NTRK3: variants seen among roughly 807,000 people sequenced by gnomAD.
NTRK3 encodes NT-3 growth factor receptor.
A neutral mutation model predicts 91.7 loss-of-function variants in NTRK3; 24 were observed. That is an observed-to-expected ratio of 0.26 (90% CI 0.19 to 0.37). The LOEUF is 0.37. Ranked by LOEUF, NTRK3 falls within the 10% of genes least tolerant of loss-of-function variation. The pLI is 1.00. For missense variants in NTRK3, 880 were observed against 1,068.9 expected (o/e 0.82, Z 2.46); for synonymous variants, 483 against 404.0 (o/e 1.20, Z -2.34).
intron 13 of NTRK3, among the ~76,000 whole-genome samples, chr15:88,091,971 A>C (rs992542629): frequency 6.6e-6 from 1 of 152,248 alleles, no homozygotes; most frequent in Non-Finnish European, 1.5e-5. Flanking sequence ...ATCTTCTGCA[A>C]AAGGCAGCAT....
intron 6 of NTRK3, among the ~76,000 whole-genome samples, chr15:88,141,507 C>T (rs1247625361): frequency 1.3e-5 from 2 of 152,222 alleles, no homozygotes; most frequent in African/African-American, 4.8e-5. Context: ...GGTCCAGATG[C>T]TTGAATATAT....
chr15:88,101,350 TA>T (rs2050152360), intron 13 of NTRK3, among the ~76,000 whole-genome samples: 1 of 152,278 alleles, frequency 6.6e-6, no homozygotes, highest in African/African-American at 2.4e-5. Context: ...TGGTGATCAT[TA>T]AAAAGTCAGG....
intron 3 of NTRK3, among the ~76,000 whole-genome samples, chr15:88,186,855 A>C (rs2046986316): frequency 6.6e-6 from 1 of 152,066 alleles, no homozygotes; most frequent in Non-Finnish European, 1.5e-5. Context: ...CTGCCCTAGG[A>C]GCTGATGGTC....
chr15:87,920,112 A>T (rs2067754203), intron 17 of NTRK3, among the ~76,000 whole-genome samples: 1 of 152,228 alleles, frequency 6.6e-6, no homozygotes, highest in Non-Finnish European at 1.5e-5. Context: ...TGACACTGAG[A>T]CCAAGATGTC....
chr15:88,219,881 G>A (rs1299171856), intron 3 of NTRK3, among the ~76,000 whole-genome samples: 2 of 152,214 alleles, frequency 1.3e-5, no homozygotes, highest in South Asian at 2.1e-4. Context: ...TGAAGCAAAG[G>A]TCTGCAAAAT....
intron 15 of NTRK3, among the ~76,000 whole-genome samples, chr15:87,934,469 C>A (rs1413696468): frequency 1.3e-5 from 2 of 152,156 alleles, no homozygotes; most frequent in African/African-American, 4.8e-5. Flanking sequence ...CATGCAAGTG[C>A]CAAAATGTCT....
chr15:87,909,290 G>A (rs913006046), intron 17 of NTRK3, among the ~76,000 whole-genome samples: 1 of 152,130 alleles, frequency 6.6e-6, no homozygotes, highest in Middle Eastern at 3.2e-3. Flanking sequence ...GGAGGGGGGT[G>A]CATGAGGAGG....
intron 3 of NTRK3, among the ~76,000 whole-genome samples, chr15:88,220,245 T>G (rs1400723612): frequency 6.6e-6 from 1 of 152,186 alleles, no homozygotes; most frequent in Non-Finnish European, 1.5e-5. Context: ...CAACCGCTCA[T>G]GCATTTCTTG....
chr15:88,253,227 T>C (rs1415911916), intron 3 of NTRK3: 1 of 152,168 alleles, frequency 6.6e-6, no homozygotes, highest in African/African-American at 2.4e-5. Context: ...ACATCAGAAA[T>C]CTGAAGAACA....
At chr15:88,157,108 G>A (rs1054787975) in intron 5 of NTRK3, among the ~76,000 whole-genome samples, 8 of 151,850 alleles carry the variant, frequency 5.3e-5, no homozygotes, top group African/African-American at 1.9e-4. Context: ...ACCTCTTTCT[G>A]TCCCTGTGAA....
At chr15:87,942,443 C>A (rs954185164) in intron 14 of NTRK3, among the ~76,000 whole-genome samples, 1 of 152,176 alleles carries the variant, frequency 6.6e-6, no homozygotes, top group Admixed American at 6.5e-5. Flanking sequence ...TCTCCCACTG[C>A]GAGAAAATAG....
chr15:87,914,431 T>A (rs1247935594), intron 17 of NTRK3, among the ~76,000 whole-genome samples: 1 of 152,222 alleles, frequency 6.6e-6, no homozygotes, highest in South Asian at 2.1e-4. Context: ...CCCCACATAC[T>A]GACCACTGGT....
intron 14 of NTRK3, among the ~76,000 whole-genome samples, chr15:87,943,459 C>T (rs2070107944): frequency 6.6e-6 from 1 of 152,042 alleles, no homozygotes; most frequent in Non-Finnish European, 1.5e-5. Context: ...GCCTCTCTTG[C>T]CTTCTTATGT....
chr15:88,030,746 A>T (rs1346463886), intron 14 of NTRK3, among the ~76,000 whole-genome samples: 1 of 151,992 alleles, frequency 6.6e-6, no homozygotes, highest in Admixed American at 6.5e-5. Context: ...CTCAACAAGG[A>T]GATATCTGCC....
intron 3 of NTRK3, among the ~76,000 whole-genome samples, chr15:88,246,953 G>A (rs896279063): frequency 6.6e-6 from 1 of 152,204 alleles, no homozygotes; most frequent in Non-Finnish European, 1.5e-5. Context: ...CCCGCCCTGG[G>A]AAGCCATCAG....
chr15:87,994,381 A>G (rs1191588566), intron 14 of NTRK3, among the ~76,000 whole-genome samples: 1 of 152,222 alleles, frequency 6.6e-6, no homozygotes, highest in African/African-American at 2.4e-5. Context: ...TCCTTATACA[A>G]AGGAAAAATG....
In NTRK3 at chr15:88,016,908, G is replaced by A. The variant is rs531697239; in HGVS notation, c.1585+15949C>T. On this transcript the variant is annotated intron_variant, in intron 14 of 18. Transcript: ENST00000394480. ...GCTGAGTATAAATTATCCCAGGGAA[G>A]GGGAATATACCCTTTCAGACAGAGG... 4.3e-5 allele frequency among the ~76,000 whole-genome samples: 6 copies of A among 140,136 alleles called. No homozygotes were observed. In the South Asian group the frequency reaches 1.4e-3, roughly 32 times the overall value. 91.9% of individuals were successfully genotyped at this position (140,136 alleles called of 152,430 possible).
At chr15:88,161,541 G>T (rs1311554238) in intron 5 of NTRK3, among the ~76,000 whole-genome samples, 1 of 152,176 alleles carries the variant, frequency 6.6e-6, no homozygotes, top group Non-Finnish European at 1.5e-5. Flanking sequence ...CACTGAGAGG[G>T]GAATTGGAGT....
chr15:88,135,322 T>C (rs1597506026), exon 10 of NTRK3: 3 of 1,613,860 alleles, frequency 1.9e-6, no homozygotes, highest in Non-Finnish European at 2.5e-6. Context: ...TGGTGGGGGG[T>C]TGCCACGCAC....
Sources: allele counts gnomAD v4.1 joint callset (sites outside exome capture counted in the v4.1 genomes callset), GRCh38; gene constraint gnomAD v4.1.1; transcripts MANE v1.5; gene names NCBI Gene and HGNC (gene_info 2026-07-23, HGNC 2026-07-21).